FAM222B: variants seen among roughly 807,000 people sequenced by gnomAD.
FAM222B encodes protein FAM222B.
A neutral mutation model predicts 38.0 loss-of-function variants in FAM222B; 12 were observed. The ratio of observed to expected loss-of-function variants is 0.32; its 90% CI spans 0.20 to 0.51. FAM222B has a LOEUF of 0.51. FAM222B is among the 20% of genes least tolerant of loss of function. The pLI is 0.97. For synonymous variants in FAM222B, 329 were observed against 317.2 expected (o/e 1.04, Z -0.40); for missense variants, 716 against 754.2 (o/e 0.95, Z 0.59).
intron 1 of FAM222B, among the ~76,000 whole-genome samples, chr17:28,820,165 C>A (rs190121502): frequency 1.0e-3 from 156 of 152,322 alleles, no homozygotes; most frequent in African/African-American, 3.6e-3. Context: ...AGCACGTCAG[C>A]AGACTATCCC....
intron 1 of FAM222B, among the ~76,000 whole-genome samples, chr17:28,805,041 A>G (rs1666514401): frequency 6.6e-6 from 1 of 150,422 alleles, no homozygotes; most frequent in Admixed American, 6.6e-5. Context: ...GCGAGACTCC[A>G]TCTCAGGAAA....
At chr17:28,816,576 ACT>A in intron 1 of FAM222B, among the ~76,000 whole-genome samples, 1 of 152,042 alleles carries the variant, frequency 6.6e-6, no homozygotes, top group Middle Eastern at 3.2e-3. Context: ...ATAAAATGTA[ACT>A]CTGACACTTA....
chr17:28,806,896 CTTAAG>C (rs1418160844), intron 1 of FAM222B, among the ~76,000 whole-genome samples: 1 of 152,194 alleles, frequency 6.6e-6, no homozygotes, highest in Non-Finnish European at 1.5e-5. Flanking sequence ...TACCAAATCA[CTTAAG>C]TTATTTAGAT....
rs764236975 is a variant in FAM222B at position 28,758,337 on chromosome 17, G to A, written c.1622C>T (p.Pro541Leu). The A allele has an allele frequency of 1.6e-5, 25 of 1,611,916 alleles. No homozygotes were observed. Among genetic ancestry groups the A allele is most frequent in the South Asian group, 2.2e-5 (2 of 90,938 alleles). The change falls in exon 3 of 3, where the codon CCT becomes CTT. Residue 541 changes from proline to leucine, a missense_variant. Transcript: ENST00000581407. ...LAMLSKAHRA[P>L]GNRAPDPTES... ...TGTGGGATCGGGGGCTCGGTTGCCA[G>A]GGGCTCGGTGGGCCTTGCTCAGCAT... is the stretch of plus-strand genomic sequence containing the variant.
chr17:28,840,920 C>T (rs1479549731), intron 1 of FAM222B, among the ~76,000 whole-genome samples: 3 of 151,530 alleles, frequency 2.0e-5, no homozygotes, highest in Non-Finnish European at 4.4e-5. Flanking sequence ...AAGTTCGCAC[C>T]ACTGCACTCC....
At chr17:28,834,523 T>G (rs1201069091) in intron 1 of FAM222B, among the ~76,000 whole-genome samples, 1 of 152,122 alleles carries the variant, frequency 6.6e-6, no homozygotes, top group Non-Finnish European at 1.5e-5. Context: ...ACTTTTCCAA[T>G]CCTTTTTTTT....
At chr17:28,779,763 T>C (rs1056408283) in intron 1 of FAM222B, among the ~76,000 whole-genome samples, 3 of 139,586 alleles carry the variant, frequency 2.1e-5, no homozygotes, top group Non-Finnish European at 4.6e-5. Flanking sequence ...AATAAATAAA[T>C]AAATAAATAA....
At chr17:28,838,932 T>C (rs1190696549) in intron 1 of FAM222B, among the ~76,000 whole-genome samples, 1 of 150,476 alleles carries the variant, frequency 6.6e-6, no homozygotes, top group Non-Finnish European at 1.5e-5. Flanking sequence ...AGGCCGGGCA[T>C]GGTGGCTCAT....
chr17:28,759,109 T>C lies in FAM222B; in HGVS notation c.850A>G (p.Thr284Ala). Reference sequence around the variant, plus strand: ...ATCTGGCCCTCACACACTGAGGTAGTGCTGATGCCTGCCCTCGTCTGGCAA... The same window carrying C: ...ATCTGGCCCTCACACACTGAGGTAGCGCTGATGCCTGCCCTCGTCTGGCAA... ...QFCQTRAGIS[T>A]TSVCEGQIAN... The change falls in exon 3 of 3, where the codon ACT (threonine) becomes GCT (alanine). Residue 284 changes from threonine (T) to alanine (A), a missense_variant. Transcript: ENST00000581407. This position sits in a 1 kb window ranked among gnomAD's most constrained non-coding sequence, Gnocchi z 4.8. The C allele has an allele frequency of 1.9e-6, 3 of 1,611,564 alleles. No individual in the cohort carries two copies. Among genetic ancestry groups the C allele is most frequent in the Non-Finnish European group, 2.5e-6 (3 of 1,178,970 alleles).
At chr17:28,796,947 T>C (rs1441926260) in intron 1 of FAM222B, among the ~76,000 whole-genome samples, 4 of 150,830 alleles carry the variant, frequency 2.7e-5, no homozygotes, top group African/African-American at 9.7e-5. Context: ...CTTCTTCAAG[T>C]GTGAAAGAAA....
intron 1 of FAM222B, among the ~76,000 whole-genome samples, chr17:28,802,101 T>TC (rs566622787): frequency 1.3e-4 from 18 of 141,948 alleles, no homozygotes; most frequent in African/African-American, 4.4e-4. Flanking sequence ...CCCAGCTTTT[T>TC]TTTCTGAGAA....
intron 2 of FAM222B, 93 bp downstream of exon 2, chr17:28,766,493 G>C: frequency 1.0e-6 from 1 of 953,290 alleles, no homozygotes; most frequent in Non-Finnish European, 1.6e-6. Context: ...CAAAATTCAA[G>C]GTCAGTGTAC....
intron 1 of FAM222B, among the ~76,000 whole-genome samples, chr17:28,795,659 T>G (rs1310911280): frequency 6.6e-6 from 1 of 152,150 alleles, no homozygotes; most frequent in Non-Finnish European, 1.5e-5. Context: ...CTCAAACTCC[T>G]GGGTTTAAGC....
intron 1 of FAM222B, among the ~76,000 whole-genome samples, chr17:28,773,972 GATGAAACAAGA>G (rs1226392116): frequency 6.6e-6 from 1 of 152,094 alleles, no homozygotes; most frequent in African/African-American, 2.4e-5. Flanking sequence ...TGAGGGTTGT[GATGAAACAAGA>G]ATGAAACAAC....
chr17:28,833,312 A>T (rs566093326), intron 1 of FAM222B, among the ~76,000 whole-genome samples: 194 of 151,076 alleles, frequency 1.3e-3, no homozygotes, highest in African/African-American at 4.5e-3. Context: ...CCCTCTCAAA[A>T]AAATAAATAA....
intron 1 of FAM222B, among the ~76,000 whole-genome samples, chr17:28,769,461 G>A (rs761351950): frequency 2.0e-5 from 3 of 152,054 alleles, no homozygotes; most frequent in Non-Finnish European, 4.4e-5. Flanking sequence ...GATTACAGGC[G>A]TAAGCCACCG....
chr17:28,765,307 G>A (rs9905510), intron 2 of FAM222B, among the ~76,000 whole-genome samples: 28,756 of 152,110 alleles, frequency 0.19, 2,850 homozygotes, highest in South Asian at 0.3. Flanking sequence ...TCCAGTTGCT[G>A]TTTTTTTGTA....
chr17:28,757,314 G>GT lies in FAM222B; in HGVS notation c.*955dup, dbSNP rs1362692592. 2 of 152,516 alleles carry GT rather than the reference G, an allele frequency of 1.3e-5. No individual in the cohort carries two copies. The highest frequency in any genetic ancestry group is 4.1e-4 in the South Asian group (2 of 4,822). 9.4% of individuals were successfully genotyped at this position (152,516 alleles called of 1,614,324 possible). On this transcript the variant is annotated 3_prime_UTR_variant, in exon 3 of 3. Coordinates refer to ENST00000581407, the MANE Select transcript of FAM222B (RefSeq NM_001077498.3). ...ACCCACACTACATTCATACAGAAAC[G>GT]TAACGTTTAAAACTTACAGTGTAGA...
intron 1 of FAM222B, among the ~76,000 whole-genome samples, chr17:28,850,935 A>G (rs1182091483): frequency 6.6e-6 from 1 of 151,742 alleles, no homozygotes; most frequent in African/African-American, 2.4e-5. Flanking sequence ...CCTGGCCAAT[A>G]TGGTGAAACC....
Sources: allele counts gnomAD v4.1 joint callset (sites outside exome capture counted in the v4.1 genomes callset), GRCh38; gene constraint gnomAD v4.1.1; non-coding constraint Gnocchi (gnomAD v3.1); transcripts MANE v1.5; gene names NCBI Gene and HGNC (gene_info 2026-07-23, HGNC 2026-07-21).